MICU1: variants seen among roughly 807,000 people sequenced by gnomAD.
MICU1 encodes the protein mitochondrial calcium uptake 1.
In MICU1, 45 loss-of-function variants were observed where a neutral mutation model predicts 56.8. The ratio of observed to expected loss-of-function variants is 0.79; its 90% confidence interval spans 0.62 to 1.02. The LOEUF (loss-of-function observed/expected upper bound fraction) is 1.02, where lower values mean the gene tolerates loss of function less well. MICU1 is among the 50% of genes least tolerant of loss of function. The pLI, the probability that MICU1 is intolerant of heterozygous loss-of-function variation, is 0.00. For synonymous variants in MICU1, 186 were observed against 195.1 expected (o/e 0.95, Z 0.39); for missense variants, 504 against 587.1 (o/e 0.86, Z 1.46).
chr10:72,438,819 G>T (rs374020235), intron 8 of MICU1, among the ~76,000 whole-genome samples: 3 of 152,000 alleles, frequency 2.0e-5, no homozygotes, highest in African/African-American at 7.2e-5. Flanking sequence ...ATAAATTCCT[G>T]GACACATACA....
chr10:72,578,302 A>G (rs919021109), intron 1 of MICU1, among the ~76,000 whole-genome samples: 1 of 151,958 alleles, frequency 6.6e-6, no homozygotes, highest in African/African-American at 2.4e-5. Flanking sequence ...CTATCACCCA[A>G]GTTGGAGTGC....
rs114126559 is a variant in MICU1 at position 72,385,099 on chromosome 10, G to A, written c.1181-9227C>T. On this transcript the variant is annotated intron_variant, in intron 10 of 11. Transcript: ENST00000361114. ...AATTCTCTAGGTCCTTCTAGCAGCA[G>A]TAGGTGCCAGGGTACTAATGAGAAC... Among the ~76,000 whole-genome samples, 170 of 152,226 alleles carry A rather than the reference G, an allele frequency of 1.1e-3. 1 individual carries two copies. The highest frequency in any genetic ancestry group is 3.9e-3 in the African/African-American group (162 of 41,540).
chr10:72,604,595 C>A (rs1468319548), intron 1 of MICU1, among the ~76,000 whole-genome samples: 2 of 151,198 alleles, frequency 1.3e-5, no homozygotes, highest in Non-Finnish European at 2.9e-5. Context: ...TTTTTTTTAA[C>A]CCTTACTCCA....
intron 8 of MICU1, among the ~76,000 whole-genome samples, chr10:72,434,690 A>T (rs550758761): frequency 6.6e-6 from 1 of 152,292 alleles, no homozygotes; most frequent in Admixed American, 6.5e-5. Context: ...AGAACCAAGG[A>T]CTAATTGTAG....
At chr10:72,573,237 A>G (rs530319404) in intron 1 of MICU1, among the ~76,000 whole-genome samples, 3 of 146,148 alleles carry the variant, frequency 2.1e-5, no homozygotes, top group African/African-American at 7.4e-5. Context: ...TGGAAGGCCA[A>G]TATGGGAGGG....
At position 72,567,627 on chromosome 10, in the gene MICU1, G is replaced by T. The variant is rs996526389; in HGVS notation, c.-1-833C>A. The stretch of plus-strand genomic sequence containing the variant: ...ATCTACTGGACAACTCATGCCAGCG[G>T]AATTTGTTGGGAAGCTGACCTTCGC... On this transcript the variant is annotated intron_variant, in intron 1 of 11. Coordinates refer to ENST00000361114, the MANE Select transcript of MICU1 (RefSeq NM_001195518.2). Among the ~76,000 whole-genome samples, 10 of 152,172 alleles carry T rather than the reference G, an allele frequency of 6.6e-5. No individual in the cohort carries two copies. The East Asian group carries it at 1.9e-3, about 29-fold the overall frequency.
intron 3 of MICU1, among the ~76,000 whole-genome samples, chr10:72,562,145 A>ATAT (rs1840312776): frequency 1.3e-5 from 1 of 78,596 alleles, no homozygotes; most frequent in African/African-American, 4.3e-5. Context: ...ATTACATAAA[A>ATAT]TCTTTTTTTT....
At chr10:72,609,717 G>C (rs1025138473) in intron 1 of MICU1, among the ~76,000 whole-genome samples, 44 of 145,800 alleles carry the variant, frequency 3.0e-4, no homozygotes, top group Admixed American at 4.2e-4. Flanking sequence ...CTGGGCAACA[G>C]AGCCAGACCC....
chr10:72,461,719 G>A (rs571776249), intron 8 of MICU1, among the ~76,000 whole-genome samples: 1 of 152,332 alleles, frequency 6.6e-6, no homozygotes, highest in African/African-American at 2.4e-5. Flanking sequence ...GGAGGCCAAG[G>A]CAGGATGATC....
At chr10:72,490,655 C>T (rs1053266023) in intron 6 of MICU1, among the ~76,000 whole-genome samples, 2 of 152,172 alleles carry the variant, frequency 1.3e-5, no homozygotes, top group Non-Finnish European at 2.9e-5. Flanking sequence ...TCTGACCCAA[C>T]TAAGCATACT....
intron 6 of MICU1, among the ~76,000 whole-genome samples, chr10:72,504,619 T>A (rs894470458): frequency 1.1e-4 from 16 of 152,214 alleles, no homozygotes; most frequent in Non-Finnish European, 2.4e-4. Context: ...AGGCAAAAAT[T>A]GACAAGTGAG....
At chr10:72,518,387 T>C (rs186196678) in intron 5 of MICU1, among the ~76,000 whole-genome samples, 68 of 152,268 alleles carry the variant, frequency 4.5e-4, no homozygotes, top group Middle Eastern at 3.4e-3. Context: ...TATTAATATG[T>C]AATTTTTACT....
chr10:72,533,226 T>C (rs1019435657), intron 5 of MICU1: 1 of 886,108 alleles, frequency 1.1e-6, no homozygotes, highest in East Asian at 6.2e-5. Flanking sequence ...TCATTTTCTA[T>C]ACCTAAGAAT....
intron 4 of MICU1, among the ~76,000 whole-genome samples, chr10:72,537,429 C>T (rs1353496032): frequency 2.6e-5 from 4 of 152,206 alleles, no homozygotes; most frequent in African/African-American, 7.2e-5. Flanking sequence ...ACTTAGGTGA[C>T]TTCCATATGA....
intron 10 of MICU1, among the ~76,000 whole-genome samples, chr10:72,387,100 G>C (rs1034204063): frequency 6.6e-6 from 1 of 152,206 alleles, no homozygotes; most frequent in African/African-American, 2.4e-5. Flanking sequence ...AACAGTCCCT[G>C]TGAGGCAATA....
chr10:72,430,480 C>T (rs1042288918), intron 8 of MICU1, among the ~76,000 whole-genome samples: 21 of 152,110 alleles, frequency 1.4e-4, no homozygotes, highest in Non-Finnish European at 2.8e-4. Context: ...ACAAACACCA[C>T]GAGCCTCCCA....
intron 8 of MICU1, among the ~76,000 whole-genome samples, chr10:72,427,733 AATATATATATATATATATATAT>A (rs58696519): frequency 1.9e-4 from 26 of 136,268 alleles, no homozygotes; most frequent in Non-Finnish European, 2.7e-4. Context: ...CCATCTCTAA[AATATATATATATATATATATAT>A]ATATATATAT....
chr10:72,388,289 C>G (rs916169242), intron 10 of MICU1, among the ~76,000 whole-genome samples: 1 of 152,220 alleles, frequency 6.6e-6, no homozygotes, highest in African/African-American at 2.4e-5. Context: ...GAGAAAAGCG[C>G]AGCTTAGCAT....
intron 10 of MICU1, among the ~76,000 whole-genome samples, chr10:72,393,305 G>C (rs990797620): frequency 1.3e-5 from 2 of 152,122 alleles, no homozygotes; most frequent in Non-Finnish European, 2.9e-5. Flanking sequence ...AGTGATAAAT[G>C]CTATAAAAAA....
Sources: allele counts gnomAD v4.1 joint callset (sites outside exome capture counted in the v4.1 genomes callset), GRCh38; gene constraint gnomAD v4.1.1; transcripts MANE v1.5; gene names NCBI Gene and HGNC (gene_info 2026-07-23, HGNC 2026-07-21).